Variants in GRIK4 observed in about 807,000 individuals in gnomAD.
GRIK4 encodes the protein glutamate ionotropic receptor kainate type subunit 4, also known as glutamate receptor ionotropic, kainate 4.
Under a neutral mutation model 104.9 loss-of-function variants are expected in GRIK4, and 40 were observed. The ratio of observed to expected loss-of-function variants is 0.38; its 90% CI spans 0.30 to 0.50. The LOEUF (loss-of-function observed/expected upper bound fraction) is 0.50. GRIK4 is among the 20% of genes least tolerant of loss of function. The pLI is 0.93. For synonymous variants in GRIK4, 485 were observed against 524.9 expected, an observed-to-expected ratio of 0.92 and a Z score of 1.04; for missense variants, 1,047 against 1,308.1, an observed-to-expected ratio of 0.80 and a Z score of 3.08.
At chr11:120,751,349 A>C (rs1951547774) in intron 3 of GRIK4, among the ~76,000 whole-genome samples, 1 of 152,152 alleles carries the variant, frequency 6.6e-6, no homozygotes. Flanking sequence ...AAAACAAAAA[A>C]GCCTTAGCGG....
chr11:120,883,331 T>C (rs1332967229), intron 11 of GRIK4, among the ~76,000 whole-genome samples: 1 of 152,182 alleles, frequency 6.6e-6, no homozygotes, highest in Non-Finnish European at 1.5e-5. Context: ...CAAGAGAGAT[T>C]TCCTATGACA....
At chr11:120,532,788 C>T (rs778326974) in intron 1 of GRIK4, among the ~76,000 whole-genome samples, 24 of 152,112 alleles carry the variant, frequency 1.6e-4, no homozygotes, top group Non-Finnish European at 2.1e-4. Context: ...CAAAGACAGT[C>T]GGCCTGTCTT....
intron 3 of GRIK4, among the ~76,000 whole-genome samples, chr11:120,682,814 C>G (rs985698990): frequency 6.6e-6 from 1 of 151,934 alleles, no homozygotes; most frequent in South Asian, 2.1e-4. Context: ...CCAGCCACCT[C>G]TCCATGGACC....
chr11:120,738,684 C>T (rs368131622), intron 3 of GRIK4, among the ~76,000 whole-genome samples: 3 of 152,196 alleles, frequency 2.0e-5, no homozygotes, highest in African/African-American at 4.8e-5. Flanking sequence ...ACCATGCTTG[C>T]GGGCAACAGC....
intron 1 of GRIK4, among the ~76,000 whole-genome samples, chr11:120,534,435 G>T (rs1295406911): frequency 6.6e-6 from 1 of 152,218 alleles, no homozygotes; most frequent in South Asian, 2.1e-4. Context: ...GGGCACAGGG[G>T]CTTTAATGAG....
At chr11:120,904,660 C>T (rs1030621978) in intron 12 of GRIK4, among the ~76,000 whole-genome samples, 8 of 152,220 alleles carry the variant, frequency 5.3e-5, no homozygotes, top group Non-Finnish European at 7.3e-5. Context: ...ACCTGTGCTC[C>T]GGCTACCCTG....
At chr11:120,841,976 TG>T (rs1174744123) in intron 8 of GRIK4, among the ~76,000 whole-genome samples, 1 of 152,174 alleles carries the variant, frequency 6.6e-6, no homozygotes, top group African/African-American at 2.4e-5. Flanking sequence ...CAGTCAGAAG[TG>T]GTAAAAATCC....
chr11:120,895,489 A>C (rs1395758326), intron 11 of GRIK4, among the ~76,000 whole-genome samples: 1 of 152,146 alleles, frequency 6.6e-6, no homozygotes, highest in Non-Finnish European at 1.5e-5. Flanking sequence ...GGCTTTGTGG[A>C]GTGTCAAGAC....
chr11:120,825,020 G>C (rs111750658), intron 6 of GRIK4, among the ~76,000 whole-genome samples: 7,588 of 151,988 alleles, frequency 0.05, 209 homozygotes, highest in Middle Eastern at 0.092. Context: ...TGCTTCCTGG[G>C]TTCAAGCGAT....
chr11:120,979,079 T>C (rs888078249), intron 19 of GRIK4, among the ~76,000 whole-genome samples: 2 of 152,264 alleles, frequency 1.3e-5, no homozygotes, highest in African/African-American at 4.8e-5. Context: ...TTAGATCTCA[T>C]AGACAGAATT....
chr11:120,556,899 T>C (rs1331554963), intron 1 of GRIK4, among the ~76,000 whole-genome samples: 1 of 152,148 alleles, frequency 6.6e-6, no homozygotes, highest in East Asian at 1.9e-4. Flanking sequence ...GTCAGTCTCC[T>C]TCCCCTCGCC....
intron 13 of GRIK4, chr11:120,936,256 G>T (rs936954415): frequency 2.0e-6 from 1 of 497,640 alleles, no homozygotes. Context: ...CTGCCGCCGT[G>T]TTAGTCCACA....
chr11:120,849,982 TC>T (rs1309763983), intron 8 of GRIK4, among the ~76,000 whole-genome samples: 1 of 152,344 alleles, frequency 6.6e-6, no homozygotes, highest in East Asian at 1.9e-4. Context: ...GTTGGCAGAA[TC>T]TACTTCCTTG....
chr11:120,636,401 TG>T (rs1949397055), intron 1 of GRIK4, among the ~76,000 whole-genome samples: 1 of 152,144 alleles, frequency 6.6e-6, no homozygotes, highest in Non-Finnish European at 1.5e-5. Context: ...TGTCTGGCAG[TG>T]GTAGATGCTC....
At chr11:120,854,606 G>T (rs191925872) in intron 8 of GRIK4, among the ~76,000 whole-genome samples, 3 of 152,150 alleles carry the variant, frequency 2.0e-5, no homozygotes, top group Admixed American at 6.6e-5. Flanking sequence ...GAAGGCCTCC[G>T]CACACTGCCT....
intron 1 of GRIK4, among the ~76,000 whole-genome samples, chr11:120,562,631 GAGA>G (rs368902173): frequency 6.3e-4 from 96 of 152,288 alleles, no homozygotes; most frequent in African/African-American, 2.3e-3. Flanking sequence ...TACAAGGGGA[GAGA>G]AGAAGCTGGA....
intron 14 of GRIK4, among the ~76,000 whole-genome samples, chr11:120,941,654 A>G (rs1943728313): frequency 6.6e-6 from 1 of 152,126 alleles, no homozygotes; most frequent in Non-Finnish European, 1.5e-5. Context: ...AAAGAAGGGA[A>G]TTTGAACACA....
At chr11:120,666,418 A>T in intron 3 of GRIK4, among the ~76,000 whole-genome samples, 1 of 152,220 alleles carries the variant, frequency 6.6e-6, no homozygotes, top group East Asian at 1.9e-4. Flanking sequence ...TCTGAATGCC[A>T]CCAGGGGCCA....
At chr11:120,680,936 A>T (rs1420248561) in intron 3 of GRIK4, among the ~76,000 whole-genome samples, 1 of 152,186 alleles carries the variant, frequency 6.6e-6, no homozygotes, top group African/African-American at 2.4e-5. Flanking sequence ...TATCATGGGC[A>T]GCCACTGACC....
Sources: gnomAD v4.1 joint callset for allele counts (sites outside exome capture counted in the v4.1 genomes callset) on GRCh38, gnomAD v4.1.1 for gene constraint, MANE v1.5 for transcripts, NCBI Gene and HGNC (gene_info 2026-07-23, HGNC 2026-07-21) for gene names.